The following STRBP variants were observed in gnomAD, a reference collection of about 807,000 sequenced individuals.
STRBP encodes the protein spermatid perinuclear RNA-binding protein.
Under a neutral mutation model 80.1 loss-of-function variants are expected in STRBP, and 13 were observed. That is an observed-to-expected ratio of 0.16 (90% CI 0.11 to 0.26). The LOEUF is 0.26. STRBP is among the 10% of genes least tolerant of loss of function. STRBP has a pLI of 1.00. For synonymous variants in STRBP, 284 were observed against 291.2 expected, an observed-to-expected ratio of 0.98 and a Z score of 0.25; for missense variants, 485 against 815.2, an observed-to-expected ratio of 0.59 and a Z score of 4.93.
downstream of STRBP, among the ~76,000 whole-genome samples, chr9:123,118,230 C>T (rs565267197): frequency 6.6e-6 from 1 of 152,266 alleles, no homozygotes; most frequent in Admixed American, 6.5e-5. Context: ...TGTCCAAGTG[C>T]CTGGCACACA....
intron 1 of STRBP, among the ~76,000 whole-genome samples, chr9:123,239,939 AAAG>A (rs2040658133): frequency 6.6e-6 from 1 of 152,218 alleles, no homozygotes; most frequent in Non-Finnish European, 1.5e-5. Flanking sequence ...ATACAGGCTC[AAAG>A]AAGTCAAGTG....
intron 2 of STRBP, among the ~76,000 whole-genome samples, chr9:123,206,506 A>G (rs555725394): frequency 6.6e-6 from 1 of 152,384 alleles, no homozygotes; most frequent in East Asian, 1.9e-4. Context: ...GGGGCAAGGA[A>G]GTAAAATACA....
At chr9:123,164,904 G>A (rs531845201) in intron 6 of STRBP, among the ~76,000 whole-genome samples, 4 of 152,274 alleles carry the variant, frequency 2.6e-5, no homozygotes, top group African/African-American at 9.6e-5. Context: ...AGAAAGCACT[G>A]TTCTCCTAAT....
chr9:123,116,730 T>G (rs576871382), downstream of STRBP, among the ~76,000 whole-genome samples: 1 of 152,192 alleles, frequency 6.6e-6, no homozygotes, highest in South Asian at 2.1e-4. Flanking sequence ...GAACGGACAT[T>G]GGTGCCTACT....
intron 4 of STRBP, among the ~76,000 whole-genome samples, chr9:123,174,854 G>A (rs1339802403): frequency 6.6e-6 from 1 of 152,120 alleles, no homozygotes; most frequent in Non-Finnish European, 1.5e-5. Flanking sequence ...TTTCTTATTG[G>A]TTCATTTCCC....
intron 8 of STRBP, among the ~76,000 whole-genome samples, chr9:123,160,022 C>T (rs1223012336): frequency 6.6e-6 from 1 of 152,124 alleles, no homozygotes; most frequent in Non-Finnish European, 1.5e-5. Context: ...AGAAGTGGGT[C>T]AGCCAAGGAG....
At chr9:123,259,909 T>C (rs1168710553) in intron 1 of STRBP, among the ~76,000 whole-genome samples, 1 of 152,322 alleles carries the variant, frequency 6.6e-6, no homozygotes, top group African/African-American at 2.4e-5. Context: ...ACACAGCTAA[T>C]AGGTCAAATA....
intron 2 of STRBP, among the ~76,000 whole-genome samples, chr9:123,207,564 A>G (rs1308429420): frequency 1.3e-5 from 2 of 152,146 alleles, no homozygotes; most frequent in Admixed American, 6.5e-5. Flanking sequence ...GAAAAGTAGG[A>G]TTAGAACACA....
At chr9:123,256,018 CTTTTTTTTTTTTTT>C (rs11338372) in intron 1 of STRBP, among the ~76,000 whole-genome samples, 5 of 71,488 alleles carry the variant, frequency 7.0e-5, no homozygotes, top group Admixed American at 3.4e-4. Context: ...TCCTTTCTTT[CTTTTTTTTTTTTTT>C]TTTTTTTTTT....
intron 3 of STRBP, chr9:123,111,703 C>T (rs1036500328): frequency 1.8e-5 from 8 of 439,166 alleles, no homozygotes; most frequent in Middle Eastern, 6.2e-4. Flanking sequence ...ATTCTCTTTA[C>T]CCAGTGTCCA....
chr9:123,230,583 C>A (rs1035083699), intron 2 of STRBP, among the ~76,000 whole-genome samples: 17 of 152,202 alleles, frequency 1.1e-4, no homozygotes, highest in African/African-American at 4.1e-4. Context: ...CAGCTGCTCA[C>A]CATTTACAGC....
At chr9:123,231,896 G>A (rs1173391308) in intron 2 of STRBP, among the ~76,000 whole-genome samples, 6 of 152,080 alleles carry the variant, frequency 3.9e-5, no homozygotes, top group Admixed American at 3.3e-4. Context: ...CTTATACTGC[G>A]AATGTACCAA....
intron 1 of STRBP, among the ~76,000 whole-genome samples, chr9:123,268,087 C>T (rs2041315883): frequency 6.6e-6 from 1 of 151,638 alleles, no homozygotes; most frequent in South Asian, 2.1e-4. Flanking sequence ...GCCCCGAGCC[C>T]TCCGTCCCGG....
intron 2 of STRBP, among the ~76,000 whole-genome samples, chr9:123,197,286 T>A (rs767857830): frequency 6.6e-6 from 1 of 152,108 alleles, no homozygotes; most frequent in African/African-American, 2.4e-5. Context: ...ACAAAAAACA[T>A]AGTTAAATAG....
chr9:123,263,245 C>A (rs1254255897), intron 1 of STRBP, among the ~76,000 whole-genome samples: 3 of 152,102 alleles, frequency 2.0e-5, no homozygotes, highest in African/African-American at 7.2e-5. Context: ...TATCACCAAG[C>A]TCAAGGCAAA....
In STRBP at chr9:123,136,277, A is replaced by G. The variant is rs2036349935; in HGVS notation, c.1633-96T>C. 1.8e-5 allele frequency: 29 copies of G among 1,594,528 alleles called. No homozygotes were observed. The highest frequency in any genetic ancestry group is 2.3e-5 in the Non-Finnish European group (27 of 1,170,890). ...ATGACACAGAAAACACCAAAAATCA[A>G]ATAGTGCCACAAGAACTGACTCAGT... On this transcript the variant is annotated intron_variant, in intron 15 of 18. Coordinates refer to ENST00000348403, the MANE Select transcript of STRBP (RefSeq NM_018387.5). This position sits in a 1 kb window ranked among gnomAD's most constrained non-coding sequence, Gnocchi z 4.2.
chr9:123,147,930 T>C (rs2036888709), intron 11 of STRBP, 60 bp from the exon 12 acceptor site: 2 of 1,401,322 alleles, frequency 1.4e-6, no homozygotes, highest in Non-Finnish European at 2.0e-6. Flanking sequence ...TACCGTACCA[T>C]ATGTATCTAA....
chr9:123,140,593 C>CA (rs1423580802), intron 13 of STRBP, among the ~76,000 whole-genome samples: 3 of 151,240 alleles, frequency 2.0e-5, no homozygotes, highest in South Asian at 2.1e-4. Context: ...GACTCTGTCT[C>CA]AAAAAAACAA....
At position 123,159,108 on chromosome 9, in the gene STRBP, T is replaced by C. The variant is rs1451104585; in HGVS notation, c.823A>G (p.Ile275Val). 6 of 1,613,080 alleles carry C rather than the reference T, an allele frequency of 3.7e-6. No individual in the cohort carries two copies. The highest frequency in any genetic ancestry group is 5.1e-6 in the Non-Finnish European group (6 of 1,179,272). ...TTGAAACCCTTACCAGGAAGTAGTA[T>C]TCCAGATGCCAAACACTCCATTACT... ...RRVMECLASG[I>V]LLPGGPGLHD... is the part of the protein sequence containing the mutation. The change falls in exon 9 of 19, where the codon ATA becomes GTA. Residue 275 changes from isoleucine (I) to valine (V), a missense_variant. Around this residue, in one of 3 missense-constraint regions of STRBP, gnomAD observed 377 missense variants for 616.1 expected, o/e 0.61. Transcript: ENST00000348403.
Sources: gnomAD v4.1 joint callset for allele counts (sites outside exome capture counted in the v4.1 genomes callset) on GRCh38, gnomAD v4.1.1 for gene constraint, gnomAD v4.1.1 regional missense constraint, Gnocchi (gnomAD v3.1) non-coding constraint, MANE v1.5 for transcripts, NCBI Gene and HGNC (gene_info 2026-07-23, HGNC 2026-07-21) for gene names.